USP13: variants seen among roughly 807,000 people sequenced by gnomAD.
The protein encoded by USP13 is ubiquitin carboxyl-terminal hydrolase 13.
A neutral mutation model predicts 107.8 loss-of-function variants in USP13; 68 were observed. That is an observed-to-expected ratio of 0.63 (90% CI 0.52 to 0.77). The LOEUF (loss-of-function observed/expected upper bound fraction) is 0.77. Among genes scored for constraint, USP13 ranks in the 30% least tolerant of loss-of-function variants. The probability of loss-of-function intolerance (pLI) is 0.00; values close to 1 mark genes in which losing one functional copy is unlikely to be tolerated. For synonymous variants in USP13, 377 were observed against 389.5 expected, an observed-to-expected ratio of 0.97 and a Z score of 0.38; for missense variants, 945 against 1,093.3, an observed-to-expected ratio of 0.86 and a Z score of 1.91.
At chr3:179,716,866 C>T (rs1713129467) in intron 6 of USP13, among the ~76,000 whole-genome samples, 1 of 152,172 alleles carries the variant, frequency 6.6e-6, no homozygotes, top group African/African-American at 2.4e-5. Context: ...TGTTTCCTAG[C>T]ATGCTTGTCA....
intron 1 of USP13, among the ~76,000 whole-genome samples, chr3:179,675,168 C>A (rs1189000724): frequency 1.3e-5 from 2 of 150,752 alleles, no homozygotes; most frequent in Non-Finnish European, 3.0e-5. Flanking sequence ...GAGTGACACT[C>A]CATCTCAAAA....
intron 15 of USP13, 31 bp from the exon 16 acceptor site, chr3:179,757,021 C>G (rs756261970): frequency 1.2e-6 from 2 of 1,613,270 alleles, no homozygotes; most frequent in Admixed American, 1.7e-5. Context: ...ATGGTTTGGT[C>G]TCATTTTCTG....
chr3:179,740,406 G>T lies in USP13; in HGVS notation c.1380+34G>T, dbSNP rs778841163. 6 of 1,613,138 alleles carry T rather than the reference G, an allele frequency of 3.7e-6. No homozygotes were observed. In the East Asian group the frequency reaches 1.1e-4, roughly 30 times the overall value. On this transcript the variant is annotated intron_variant, in intron 11 of 20. Transcript: ENST00000263966. The stretch of plus-strand genomic sequence containing the variant: ...TCAGTCTTCACGGATGCTCAGCGGG[G>T]TTGTAAGAGGGTGCCGAGCCACTCA...
chr3:179,686,637 C>G (rs1711883443), intron 2 of USP13, among the ~76,000 whole-genome samples: 1 of 152,196 alleles, frequency 6.6e-6, no homozygotes, highest in South Asian at 2.1e-4. Flanking sequence ...CTTCTTCAGT[C>G]ATTGCATTCT....
intron 19 of USP13, among the ~76,000 whole-genome samples, chr3:179,771,656 G>A (rs1274604211): frequency 6.6e-6 from 1 of 152,174 alleles, no homozygotes; most frequent in Admixed American, 6.5e-5. Flanking sequence ...TTAAGAAGGA[G>A]GGTCGTGGCT....
chr3:179,749,602 A>T (rs970077973), intron 13 of USP13, among the ~76,000 whole-genome samples: 2 of 152,210 alleles, frequency 1.3e-5, no homozygotes, highest in Non-Finnish European at 2.9e-5. Context: ...TGAGCGATTC[A>T]ACTTGAGACC....
At chr3:179,769,294 A>AT (rs1403445928) in intron 19 of USP13, among the ~76,000 whole-genome samples, 1 of 152,230 alleles carries the variant, frequency 6.6e-6, no homozygotes, top group Non-Finnish European at 1.5e-5. Context: ...CATAGTTTAT[A>AT]TACCTAATTC....
intron 1 of USP13, among the ~76,000 whole-genome samples, chr3:179,657,014 T>C (rs1375960340): frequency 6.6e-6 from 1 of 152,206 alleles, no homozygotes; most frequent in African/African-American, 2.4e-5. Context: ...TCATTGATTG[T>C]TGGGGACAGT....
intron 1 of USP13, among the ~76,000 whole-genome samples, chr3:179,666,853 C>T (rs1158425482): frequency 6.6e-6 from 1 of 152,234 alleles, no homozygotes; most frequent in Non-Finnish European, 1.5e-5. Context: ...CTCAGTAGCA[C>T]CAGGCAGCCC....
rs769332924 is a variant in USP13 at position 179,701,025 on chromosome 3, G to T, written c.373G>T (p.Asp125Tyr). The change falls in exon 4 of 21, where the codon GAT becomes TAT. Residue 125 changes from aspartate (D) to tyrosine (Y), a missense_variant. Coordinates refer to ENST00000263966, the MANE Select transcript of USP13 (RefSeq NM_003940.3). ...KIFLDLDTDD[D>Y]LNSDDYEYED... ...CTCCTCAGATCTAGATACTGATGAC[G>T]ATTTAAATAGCGACGATTATGAATA... 8.7e-6 allele frequency: 14 copies of T among 1,613,474 alleles called. No individual in the cohort carries two copies. The highest frequency in any genetic ancestry group is 1.2e-5 in the Non-Finnish European group (14 of 1,179,894).
In USP13 at chr3:179,700,975, ACTT is replaced by A. The variant is rs143321271; in HGVS notation, c.356-29_356-27del. ...CATAGTGTGGGATATTATTTTCCTC[ACTT>A]CTTGTTCTTTGTTTTTGTTTTCTCC... On this transcript the variant is annotated intron_variant, in intron 3 of 20. Coordinates refer to ENST00000263966, the MANE Select transcript of USP13 (RefSeq NM_003940.3). 3.8e-3 allele frequency: 6,118 copies of A among 1,596,564 alleles called. 225 individuals carry two copies. In the African/African-American group the frequency reaches 0.072, roughly 19 times the overall value.
At chr3:179,713,537 C>T (rs1713002051) in intron 6 of USP13, among the ~76,000 whole-genome samples, 1 of 152,152 alleles carries the variant, frequency 6.6e-6, no homozygotes, top group Admixed American at 6.5e-5. Flanking sequence ...GGGTAGCCAT[C>T]TCTCGGTGAA....
At chr3:179,679,794 G>GTTTTTTTT (rs57620088) in intron 1 of USP13, among the ~76,000 whole-genome samples, 4 of 97,434 alleles carry the variant, frequency 4.1e-5, no homozygotes, top group African/African-American at 8.1e-5. Flanking sequence ...CCTATCCTTA[G>GTTTTTTTT]TTTTTTTTTT....
intron 1 of USP13, among the ~76,000 whole-genome samples, chr3:179,677,694 G>A (rs1711517485): frequency 6.6e-6 from 1 of 152,042 alleles, no homozygotes; most frequent in Non-Finnish European, 1.5e-5. Context: ...ATAGACTCTT[G>A]GATATAGAGT....
At chr3:179,696,148 G>C (rs910352222) in intron 3 of USP13, among the ~76,000 whole-genome samples, 2 of 152,094 alleles carry the variant, frequency 1.3e-5, no homozygotes, top group Non-Finnish European at 2.9e-5. Context: ...TCCGATTCAG[G>C]GAAGTTGTGC....
chr3:179,671,433 C>T (rs562047303), intron 1 of USP13, among the ~76,000 whole-genome samples: 66 of 151,754 alleles, frequency 4.3e-4, no homozygotes, highest in Non-Finnish European at 7.4e-4. Context: ...TTAAAAATAC[C>T]AGAAGAAAAC....
intron 19 of USP13, among the ~76,000 whole-genome samples, chr3:179,768,542 A>C (rs1004804966): frequency 6.6e-6 from 1 of 152,226 alleles, no homozygotes; most frequent in Non-Finnish European, 1.5e-5. Flanking sequence ...GATATGCAGG[A>C]TATAAAGGCA....
intron 19 of USP13, among the ~76,000 whole-genome samples, chr3:179,768,252 C>T (rs1276813265): frequency 1.3e-5 from 2 of 152,176 alleles, no homozygotes; most frequent in African/African-American, 4.8e-5. Context: ...AGAGGGAAGG[C>T]GGGTCTGATC....
intron 16 of USP13, among the ~76,000 whole-genome samples, chr3:179,759,624 T>A (rs540961901): frequency 6.6e-6 from 1 of 152,356 alleles, no homozygotes; most frequent in South Asian, 2.1e-4. Flanking sequence ...TTCTGAACAT[T>A]TGACCTGGAT....
Sources: gnomAD v4.1 joint callset for allele counts (sites outside exome capture counted in the v4.1 genomes callset) on GRCh38, gnomAD v4.1.1 for gene constraint, MANE v1.5 for transcripts, NCBI Gene and HGNC (gene_info 2026-07-23, HGNC 2026-07-21) for gene names.